Variants in PAK3 observed in about 807,000 individuals in gnomAD.
PAK3 encodes the protein p21 (RAC1) activated kinase 3.
PAK3 carries 4 observed loss-of-function variants against 41.0 expected under a neutral mutation model. The ratio of observed to expected loss-of-function variants is 0.10; its 90% CI spans 0.05 to 0.22. The LOEUF (loss-of-function observed/expected upper bound fraction) is 0.22. PAK3 is among the 10% of genes least tolerant of loss of function. The pLI is 1.00. For synonymous variants in PAK3, 146 were observed against 139.6 expected, an observed-to-expected ratio of 1.05 and a Z score of -0.32; for missense variants, 205 against 409.9, an observed-to-expected ratio of 0.50 and a Z score of 4.32.
At chrX:111,148,675 A>C (rs1391675325) in intron 7 of PAK3, among the ~76,000 whole-genome samples, 1 of 111,481 alleles carries the variant, frequency 9.0e-6, no homozygotes, top group Non-Finnish European at 1.9e-5. Context: ...AAACCATCAG[A>C]TCTCATGAGA....
chrX:111,015,839 T>C (rs1003301703), intron 1 of PAK3, among the ~76,000 whole-genome samples: 1 of 112,249 alleles, frequency 8.9e-6, no homozygotes, highest in South Asian at 3.7e-4. Context: ...TTTGTAGAAG[T>C]TCTTTATATA....
chrX:111,188,876 C>A (rs370172740), intron 11 of PAK3, among the ~76,000 whole-genome samples: 3 of 111,964 alleles, frequency 2.7e-5, no homozygotes, highest in Non-Finnish European at 3.8e-5. Context: ...ATTGTGCATG[C>A]GGCCTAAATA....
At chrX:110,946,124 G>A (rs1354201817) in intron 1 of PAK3, among the ~76,000 whole-genome samples, 1 of 111,163 alleles carries the variant, frequency 9.0e-6, no homozygotes, top group Non-Finnish European at 1.9e-5. Context: ...TTGGGGATGG[G>A]GGTTATGATC....
upstream of PAK3, among the ~76,000 whole-genome samples, chrX:111,092,334 T>C (rs1470456038): frequency 8.9e-6 from 1 of 112,099 alleles, no homozygotes; most frequent in Non-Finnish European, 1.9e-5. Context: ...CATACCCACA[T>C]GTCTTTCCTA....
intron 5 of PAK3, among the ~76,000 whole-genome samples, chrX:111,137,894 G>A (rs1448182912): frequency 4.5e-5 from 5 of 111,642 alleles, no homozygotes; most frequent in Admixed American, 9.5e-5. Context: ...TAGCTGACCA[G>A]GTTGAGCTTT....
chrX:111,153,408 G>A (rs2094059075), intron 8 of PAK3, among the ~76,000 whole-genome samples: 1 of 112,205 alleles, frequency 8.9e-6, no homozygotes, highest in African/African-American at 3.2e-5. Flanking sequence ...TGTTGAAAGT[G>A]CTATAGTATC....
chrX:111,084,874 G>A (rs1452043716), intron 1 of PAK3, among the ~76,000 whole-genome samples: 1 of 111,694 alleles, frequency 9.0e-6, no homozygotes, highest in African/African-American at 3.3e-5. Context: ...GTGATTTGGT[G>A]CAGTAAATTA....
At chrX:111,176,348 G>A (rs1477133560) in intron 11 of PAK3, among the ~76,000 whole-genome samples, 3 of 110,246 alleles carry the variant, frequency 2.7e-5, no homozygotes, top group Admixed American at 9.7e-5. Flanking sequence ...AATGGGGGGC[G>A]AAGGGAGTGA....
intron 1 of PAK3, among the ~76,000 whole-genome samples, chrX:110,973,449 A>G (rs778919261): frequency 8.9e-6 from 1 of 112,198 alleles, no homozygotes; most frequent in African/African-American, 3.2e-5. Flanking sequence ...CCAGAATTTC[A>G]TATCCAGCCA....
Position 111,222,607 on chromosome X carries a change from T to A in PAK3, c.*2160T>A, listed in dbSNP as rs1419220585. ...ATTTAAAAATAAGTACTTTAAAAAA[T>A]TTTTCACTCATAGTGCCGGGAAATT... On this transcript the variant is annotated 3_prime_UTR_variant, in exon 18 of 18. Coordinates refer to ENST00000372007, the MANE Select transcript of PAK3 (RefSeq NM_002578.5). 1 of 112,032 alleles carries A rather than the reference T, an allele frequency of 8.9e-6. No individual in the cohort carries two copies. The highest frequency in any genetic ancestry group is 1.9e-5 in the Non-Finnish European group (1 of 53,162). The allele number at this position is 112,032 out of a possible 1,213,427, so 9.2% of individuals were successfully genotyped here.
chrX:111,011,569 A>G (rs140176339), intron 1 of PAK3, among the ~76,000 whole-genome samples: 174 of 112,519 alleles, frequency 1.5e-3, no homozygotes, highest in African/African-American at 5.3e-3. Context: ...TAAATACTAC[A>G]TATCATTCTT....
At chrX:111,001,625 C>T (rs746699736) in intron 1 of PAK3, among the ~76,000 whole-genome samples, 1 of 112,089 alleles carries the variant, frequency 8.9e-6, no homozygotes. Context: ...CAAAAATTCT[C>T]GACTTATTCA....
chrX:111,120,993 CTG>C (rs752540391), intron 4 of PAK3, among the ~76,000 whole-genome samples: 1 of 111,797 alleles, frequency 8.9e-6, no homozygotes, highest in East Asian at 2.8e-4. Context: ...TCTAGAGAAA[CTG>C]TGAATTTAGA....
chrX:111,216,712 T>C (rs1207826027), intron 17 of PAK3, among the ~76,000 whole-genome samples, 154 bp downstream of exon 17: 1 of 111,716 alleles, frequency 9.0e-6, no homozygotes. Context: ...ACGCATCTAA[T>C]ACATGATTGA....
At chrX:111,200,086 T>C (rs866425121) in intron 16 of PAK3, among the ~76,000 whole-genome samples, 8 of 111,017 alleles carry the variant, frequency 7.2e-5, no homozygotes, top group Admixed American at 4.8e-4. Context: ...GTATACTGCC[T>C]GCATCATTAC....
chrX:110,971,728 G>A (rs1272288471), intron 1 of PAK3, among the ~76,000 whole-genome samples: 1 of 111,788 alleles, frequency 8.9e-6, no homozygotes, highest in Non-Finnish European at 1.9e-5. Context: ...TGCTGTTAGA[G>A]TCAGATACAA....
intron 10 of PAK3, among the ~76,000 whole-genome samples, chrX:111,168,960 A>G (rs1266468151): frequency 8.9e-6 from 1 of 111,891 alleles, no homozygotes; most frequent in Non-Finnish European, 1.9e-5. Context: ...AATCTGTTAG[A>G]CAAGTTGAAA....
At chrX:111,184,821 C>T (rs759105531) in intron 11 of PAK3, among the ~76,000 whole-genome samples, 1 of 111,435 alleles carries the variant, frequency 9.0e-6, no homozygotes, top group African/African-American at 3.3e-5. Context: ...TGGGTTGGTT[C>T]CAAGACTTTG....
intron 1 of PAK3, among the ~76,000 whole-genome samples, chrX:111,011,687 T>G (rs1187477429): frequency 8.9e-6 from 1 of 112,531 alleles, no homozygotes; most frequent in Non-Finnish European, 1.9e-5. Flanking sequence ...GCTTCTGCAG[T>G]GTAAGCAGTA....
Sources: gnomAD v4.1 joint callset for allele counts (sites outside exome capture counted in the v4.1 genomes callset) on GRCh38, gnomAD v4.1.1 for gene constraint, MANE v1.5 for transcripts, NCBI Gene and HGNC (gene_info 2026-07-23, HGNC 2026-07-21) for gene names.